ADAMTS8: variants seen among roughly 807,000 people sequenced by gnomAD.
ADAMTS8 encodes the protein ADAM metallopeptidase with thrombospondin type 1 motif 8, also known as A disintegrin and metalloproteinase with thrombospondin motifs 8.
A neutral mutation model predicts 64.4 loss-of-function variants in ADAMTS8; 50 were observed. That is an observed-to-expected ratio of 0.78 (90% CI 0.62 to 0.98). ADAMTS8 has a LOEUF of 0.98. Ranked by LOEUF, ADAMTS8 falls within the 50% of genes least tolerant of loss-of-function variation. The pLI is 0.00. For synonymous variants in ADAMTS8, 556 were observed against 533.6 expected (o/e 1.04, Z -0.58); for missense variants, 1,192 against 1,208.2 (o/e 0.99, Z 0.20).
In ADAMTS8 at chr11:130,416,443, C is replaced by A; in HGVS notation, c.1097-113G>T. ...GGGGAGCAGCCACCCCCTCACTCTCCGAAGATTTCTGCGTAGGGCTTTCCC... is the reference window on the plus strand; with the variant it reads ...GGGGAGCAGCCACCCCCTCACTCTCAGAAGATTTCTGCGTAGGGCTTTCCC... On this transcript the variant is annotated intron_variant, in intron 3 of 8. Transcript: ENST00000257359. This position sits in a 1 kb window ranked among gnomAD's most constrained non-coding sequence, Gnocchi z 4.8. 8.1e-7 allele frequency: 1 copy of A among 1,237,270 alleles called. No homozygotes were observed. The highest frequency in any genetic ancestry group is 1.1e-6 in the Non-Finnish European group (1 of 920,804). 76.6% of individuals were successfully genotyped at this position (1,237,270 alleles called of 1,614,324 possible).
At position 130,416,042 on chromosome 11, in the gene ADAMTS8, G is replaced by T; in HGVS notation, c.1264+121C>A. On this transcript the variant is annotated intron_variant, in intron 4 of 8. Transcript: ENST00000257359. The surrounding 1 kb of genome is among the most constrained non-coding windows in gnomAD (Gnocchi z 4.8). The stretch of plus-strand genomic sequence containing the variant: ...GTGGTGTGAATGCCCCAGCGTGGGA[G>T]GCTGGCCGGGGACTCAGCTCTAAGG... The T allele has an allele frequency of 1.7e-6, 2 of 1,210,304 alleles. No individual in the cohort carries two copies. Among genetic ancestry groups the T allele is most frequent in the Non-Finnish European group, 2.2e-6 (2 of 897,874 alleles). 75.0% of individuals were successfully genotyped at this position (1,210,304 alleles called of 1,614,324 possible). A position where few individuals can be genotyped will look rare whatever the true frequency, so the allele number is the denominator to read the frequency against.
intron 1 of ADAMTS8, among the ~76,000 whole-genome samples, chr11:130,427,261 G>C (rs1202044874): frequency 6.6e-6 from 1 of 152,196 alleles, no homozygotes; most frequent in South Asian, 2.1e-4. Flanking sequence ...TTTCGGGTCA[G>C]TGCGCCACGT....
In ADAMTS8 at chr11:130,414,667, C is replaced by A; in HGVS notation, c.1430G>T (p.Cys477Phe). ...CAGGGGCTCAGCCCCATCAGTGTGG[C>A]ACCAAAGCTGGGCGCAGACGTCCTG... is the stretch of plus-strand genomic sequence containing the variant. ...SAQDVCAQLW[C>F]HTDGAEPLCH... Residue 477 changes from cysteine to phenylalanine, a missense_variant, in exon 5 of 9, where the codon TGC becomes TTC. By Grantham distance (205) the Cys-to-Phe change is radical (BLOSUM62 -2). Around this residue, in one of 5 missense-constraint regions of ADAMTS8, gnomAD observed 741 missense variants for 710.6 expected, o/e 1.04. Coordinates refer to ENST00000257359, the MANE Select transcript of ADAMTS8 (RefSeq NM_007037.6). The A allele has an allele frequency of 6.2e-7, 1 of 1,613,856 alleles. No individual in the cohort carries two copies. The highest frequency in any genetic ancestry group is 8.5e-7 in the Non-Finnish European group (1 of 1,180,040).
chr11:130,416,859 C>G lies in ADAMTS8; in HGVS notation c.1096+81G>C, dbSNP rs867307612. On this transcript the variant is annotated intron_variant, in intron 3 of 8. Transcript: ENST00000257359. The surrounding 1 kb of genome is among the most constrained non-coding windows in gnomAD (Gnocchi z 4.8). ...ATTCCTAAGCAAGGGCCGCATATTC[C>G]TTAGGATCTACGCAACCTTGGATCT... is the stretch of plus-strand genomic sequence containing the variant. The G allele has an allele frequency of 1.3e-6, 2 of 1,588,334 alleles. No individual in the cohort carries two copies. Among genetic ancestry groups the G allele is most frequent in the Admixed American group, 1.7e-5 (1 of 58,344 alleles).
Position 130,427,575 on chromosome 11 carries a change from C to A in ADAMTS8, c.712G>T (p.Asp238Tyr). The A allele has an allele frequency of 6.5e-7, 1 of 1,537,430 alleles. No homozygotes were observed. Among genetic ancestry groups the A allele is most frequent in the Non-Finnish European group, 8.7e-7 (1 of 1,146,708 alleles). The change falls in exon 1 of 9, where the codon GAC becomes TAC. Residue 238 changes from aspartate to tyrosine, a missense_variant. Asp to Tyr is a radical substitution (Grantham distance 160). Around this residue, in one of 5 missense-constraint regions of ADAMTS8, gnomAD observed 741 missense variants for 710.6 expected, o/e 1.04. Coordinates refer to ENST00000257359, the MANE Select transcript of ADAMTS8 (RefSeq NM_007037.6). ...DASMAAFYGA[D>Y]LQNHILTLMS... ...GAGGCTCTCAGTCCTACCTGCAGGT[C>A]GGCCCCGTAGAAGGCAGCCATGGAC... is the stretch of plus-strand genomic sequence containing the variant.
At position 130,405,327 on chromosome 11, in the gene ADAMTS8, C is replaced by T. The variant is rs557906000; in HGVS notation, c.*231G>A. On this transcript the variant is annotated 3_prime_UTR_variant, in exon 9 of 9. Coordinates refer to ENST00000257359, the MANE Select transcript of ADAMTS8 (RefSeq NM_007037.6). ...TTAACCTATGCCCTCTACTTGAACCCGAGCAAGGTCCAGTCCACTGGACAG... is the reference window on the plus strand; with the variant it reads ...TTAACCTATGCCCTCTACTTGAACCTGAGCAAGGTCCAGTCCACTGGACAG... 1.4e-5 allele frequency: 18 copies of T among 1,324,752 alleles called. No homozygotes were observed. The highest frequency in any genetic ancestry group is 5.4e-5 in the East Asian group (2 of 36,750). The allele number at this position is 1,324,752 out of a possible 1,614,324, so 82.1% of individuals were successfully genotyped here.
At chr11:130,422,822 G>A (rs576034218) in intron 1 of ADAMTS8, among the ~76,000 whole-genome samples, 2 of 152,302 alleles carry the variant, frequency 1.3e-5, no homozygotes, top group East Asian at 3.9e-4. Flanking sequence ...AGCGGTGGCC[G>A]GCACTCTGAT....
intron 6 of ADAMTS8, 38 bp from the exon 7 acceptor site, chr11:130,408,978 T>C: frequency 6.6e-7 from 1 of 1,504,760 alleles, no homozygotes; most frequent in Non-Finnish European, 8.9e-7. Flanking sequence ...GTGACACCCA[T>C]GCGGAAGCAG....
At position 130,416,831 on chromosome 11, in the gene ADAMTS8, G is replaced by C; in HGVS notation, c.1096+109C>G. On this transcript the variant is annotated intron_variant, in intron 3 of 8. Coordinates refer to ENST00000257359, the MANE Select transcript of ADAMTS8 (RefSeq NM_007037.6). The surrounding 1 kb of genome is among the most constrained non-coding windows in gnomAD (Gnocchi z 4.8). ...AGTCACCCTGTCAAAATTAGGAGGA[G>C]CTATTCCTAAGCAAGGGCCGCATAT... 3.9e-6 allele frequency: 6 copies of C among 1,523,008 alleles called. No individual in the cohort carries two copies. The highest frequency in any genetic ancestry group is 5.4e-6 in the Non-Finnish European group (6 of 1,113,714). 94.3% of individuals were successfully genotyped at this position (1,523,008 alleles called of 1,614,324 possible).
In ADAMTS8 at chr11:130,408,906, A is replaced by G; in HGVS notation, c.1785T>C (p.Tyr595=). Residue 595 remains tyrosine, a synonymous_variant, in exon 7 of 9, where the codon TAT becomes TAC. Transcript: ENST00000257359. The part of the protein sequence containing the change: ...KSFREQQCEK[Y]NAYNYTDMDG... Reference sequence around the variant, plus strand: ...CCATGTCAGTGTAATTGTAGGCATTATACTTCTCACACTGCTGCTCCCTGA... The same window carrying G: ...CCATGTCAGTGTAATTGTAGGCATTGTACTTCTCACACTGCTGCTCCCTGA... 6.3e-6 allele frequency: 10 copies of G among 1,590,438 alleles called. No homozygotes were observed. The highest frequency in any genetic ancestry group is 8.6e-6 in the Non-Finnish European group (10 of 1,167,794).
intron 2 of ADAMTS8, among the ~76,000 whole-genome samples, chr11:130,417,297 T>G (rs915051470): frequency 6.6e-6 from 1 of 152,110 alleles, no homozygotes; most frequent in African/African-American, 2.4e-5. Flanking sequence ...TGCTCTGTCA[T>G]CCAGGCTGGA....
intron 6 of ADAMTS8, among the ~76,000 whole-genome samples, chr11:130,409,707 C>G (rs1480178307): frequency 6.6e-6 from 1 of 152,246 alleles, no homozygotes; most frequent in African/African-American, 2.4e-5. Context: ...TGCCTGCCTC[C>G]TCTCCATCCT....
rs778082121 is a variant in ADAMTS8 at position 130,408,526 on chromosome 11, G to A, written c.2037C>T (p.Cys679=). The A allele has an allele frequency of 9.3e-6, 15 of 1,613,962 alleles. No individual in the cohort carries two copies. The highest frequency in any genetic ancestry group is 6.6e-5 in the South Asian group (6 of 91,070). ...VVDSPRKLDK[C]GVCGGKGNSC... is the part of the protein sequence containing the mutation. Reference sequence around the variant, plus strand: ...AGTTGCCTTTGCCCCCACACACCCCGCATTTGTCCAGCTTCCGAGGCGAGT... The same window carrying A: ...AGTTGCCTTTGCCCCCACACACCCCACATTTGTCCAGCTTCCGAGGCGAGT... Residue 679 remains cysteine, a synonymous_variant, in exon 8 of 9, where the codon TGC becomes TGT. Transcript: ENST00000257359.
At position 130,414,823 on chromosome 11, in the gene ADAMTS8, A is replaced by T; in HGVS notation, c.1274T>A (p.Leu425His). ...ELLDGGHGDCLLDAPAAALPL... is the reference protein window; with the variant it reads ...ELLDGGHGDCHLDAPAAALPL... ...CAGGGCCGCAGCAGGGGCATCCAGG[A>T]GACAGTCTCCTGGGAAAAGAGGAAG... The change falls in exon 5 of 9, where the codon CTC becomes CAC. Residue 425 changes from leucine (L) to histidine (H), a missense_variant. Around this residue, in one of 5 missense-constraint regions of ADAMTS8, gnomAD observed 741 missense variants for 710.6 expected, o/e 1.04. Transcript: ENST00000257359. The T allele has an allele frequency of 6.2e-7, 1 of 1,606,564 alleles. No homozygotes were observed. The highest frequency in any genetic ancestry group is 8.5e-7 in the Non-Finnish European group (1 of 1,175,516).
In ADAMTS8 at chr11:130,427,792, G is replaced by A; in HGVS notation, c.495C>T (p.Pro165=). The change falls in exon 1 of 9, where the codon CCC becomes CCT. Residue 165 remains proline, a synonymous_variant. Transcript: ENST00000257359. ...PAGARPLPRG[P]EWEVETGEGQ... ...CCTCTCCCGTCTCCACCTCCCACTCGGGTCCTCGCGGGAGGGGGCGGGCTC... is the reference window on the plus strand; with the variant it reads ...CCTCTCCCGTCTCCACCTCCCACTCAGGTCCTCGCGGGAGGGGGCGGGCTC... 6.3e-7 allele frequency: 1 copy of A among 1,581,114 alleles called. No homozygotes were observed. The highest frequency in any genetic ancestry group is 8.6e-7 in the Non-Finnish European group (1 of 1,164,962).
chr11:130,408,451 T>A lies in ADAMTS8; in HGVS notation c.2099+13A>T. 1.9e-6 allele frequency: 3 copies of A among 1,613,038 alleles called. No individual in the cohort carries two copies. Among genetic ancestry groups the A allele is most frequent in the Non-Finnish European group, 2.5e-6 (3 of 1,179,984 alleles). On this transcript the variant is annotated intron_variant, in intron 8 of 8. Transcript: ENST00000257359. The stretch of plus-strand genomic sequence containing the variant: ...TCTACCAAGCAAGGTACAGAACTTC[T>A]GGGGAGACTCACTTGGTGGGGGTGA...
Position 130,411,731 on chromosome 11 carries a change from T to A in ADAMTS8, c.1567-131A>T. On this transcript the variant is annotated intron_variant, in intron 5 of 8. Transcript: ENST00000257359. The surrounding 1 kb of genome is among the most constrained non-coding windows in gnomAD (Gnocchi z 4.2). ...TCTTGGTGCATGGAGTGCCGTAAACTGCCTCAATCATTTGTTTAATGACTG... is the reference window on the plus strand; with the variant it reads ...TCTTGGTGCATGGAGTGCCGTAAACAGCCTCAATCATTTGTTTAATGACTG... 1 of 909,652 alleles carries A rather than the reference T, an allele frequency of 1.1e-6. No individual in the cohort carries two copies. Among genetic ancestry groups the A allele is most frequent in the Non-Finnish European group, 1.7e-6 (1 of 605,596 alleles). The allele number at this position is 909,652 out of a possible 1,614,324, so 56.3% of individuals were successfully genotyped here. A position where few individuals can be genotyped will look rare whatever the true frequency, so the allele number is the denominator to read the frequency against.
intron 1 of ADAMTS8, among the ~76,000 whole-genome samples, chr11:130,420,905 C>T (rs1461026846): frequency 1.3e-5 from 2 of 152,226 alleles, no homozygotes; most frequent in East Asian, 3.9e-4. Flanking sequence ...GAGATGAACT[C>T]CTGGCCGGGT....
At chr11:130,406,227 ACG>A in intron 8 of ADAMTS8, 99 bp from the exon 9 acceptor site, 1 of 1,411,618 alleles carries the variant, frequency 7.1e-7, no homozygotes, top group Non-Finnish European at 9.4e-7. Context: ...GGTGGCAGAC[ACG>A]AAAAAAACAA....
Sources: gnomAD v4.1 joint callset for allele counts (sites outside exome capture counted in the v4.1 genomes callset) on GRCh38, gnomAD v4.1.1 for gene constraint, gnomAD v4.1.1 regional missense constraint, Gnocchi (gnomAD v3.1) non-coding constraint, MANE v1.5 for transcripts, NCBI Gene and HGNC (gene_info 2026-07-23, HGNC 2026-07-21) for gene names.